The following FAAP100 variants were observed in gnomAD, a reference collection of about 807,000 sequenced individuals.
FAAP100 encodes the protein FA core complex associated protein 100, also known as Fanconi anemia core complex-associated protein 100.
FAAP100 carries 46 observed loss-of-function variants against 65.8 expected under a neutral mutation model. The ratio of observed to expected loss-of-function variants is 0.70; its 90% CI spans 0.55 to 0.89. The LOEUF (loss-of-function observed/expected upper bound fraction) is 0.89, where lower values mean the gene tolerates loss of function less well. Among genes scored for constraint, FAAP100 ranks in the 40% least tolerant of loss-of-function variants. The pLI is 0.00. For synonymous variants in FAAP100, 663 were observed against 555.1 expected (o/e 1.19, Z -2.73); for missense variants, 1,165 against 1,196.7 (o/e 0.97, Z 0.39).
Position 81,550,750 on chromosome 17 carries a change from G to T in FAAP100, c.744C>A (p.Gly248=), listed in dbSNP as rs764006543. The change falls in exon 3 of 9, where the codon GGC becomes GGA. Residue 248 remains glycine (G), a synonymous_variant. Transcript: ENST00000327787. Reference sequence around the variant, plus strand: ...CCTTCAGGATCACACAGCAGAGCTGGCCATCAGGGAGACCACAGAGGACCA... The same window carrying T: ...CCTTCAGGATCACACAGCAGAGCTGTCCATCAGGGAGACCACAGAGGACCA... ...SPVVLCGLPD[G]QLCCVILKAL... 6.2e-7 allele frequency: 1 copy of T among 1,612,340 alleles called. No individual in the cohort carries two copies. The highest frequency in any genetic ancestry group is 8.5e-7 in the Non-Finnish European group (1 of 1,179,582).
At chr17:81,543,700 G>T (rs183304950) in intron 7 of FAAP100, among the ~76,000 whole-genome samples, 1 of 152,132 alleles carries the variant, frequency 6.6e-6, no homozygotes, top group Non-Finnish European at 1.5e-5. Context: ...GGCTGACCTC[G>T]CAGGTCACAA....
At chr17:81,544,156 G>A in intron 6 of FAAP100, 36 bp from the exon 7 acceptor site, 1 of 1,537,596 alleles carries the variant, frequency 6.5e-7, no homozygotes, top group Non-Finnish European at 9.0e-7. Flanking sequence ...CCTGCCTGTG[G>A]CACTCCCACC....
rs77851887 is a variant in FAAP100, at chr17:81,541,444, C to A, written c.2428-49G>T. The A allele has an allele frequency of 0.01, 15,025 of 1,498,722 alleles. 1,067 individuals are homozygous for A. In the African/African-American group the frequency reaches 0.17, roughly 17 times the overall value. 92.8% of individuals were successfully genotyped at this position (1,498,722 alleles called of 1,614,324 possible). A position where few individuals can be genotyped will look rare whatever the true frequency, so the allele number is the denominator to read the frequency against. ...GGAGAGGGTGTGCCCCAGCACCTGCCCCCACACCCCTTGGAGCAGGGTGAC... is the reference window on the plus strand; with the variant it reads ...GGAGAGGGTGTGCCCCAGCACCTGCACCCACACCCCTTGGAGCAGGGTGAC... On this transcript the variant is annotated intron_variant, in intron 7 of 8. Transcript: ENST00000327787.
chr17:81,550,485 C>T lies in FAAP100; in HGVS notation c.1009G>A (p.Glu337Lys), dbSNP rs746234663. Residue 337 changes from glutamate to lysine, a missense_variant, in exon 3 of 9, where the codon GAG becomes AAG. Transcript: ENST00000327787. The part of the protein sequence containing the change: ...SWDESGKLVP[E>K]LREYCLPGPV... Reference sequence around the variant, plus strand: ...CCTGGGAGGCAGTACTCCCGCAGCTCGGGCACCAGCTTCCCGGACTCATCC... The same window carrying T: ...CCTGGGAGGCAGTACTCCCGCAGCTTGGGCACCAGCTTCCCGGACTCATCC... 3.3e-5 allele frequency: 53 copies of T among 1,612,510 alleles called. No homozygotes were observed. The highest frequency in any genetic ancestry group is 1.6e-4 in the Middle Eastern group (1 of 6,084).
chr17:81,551,725 CACTT>C, intron 2 of FAAP100, 199 bp downstream of exon 2: 1 of 1,342,766 alleles, frequency 7.4e-7, no homozygotes, highest in Non-Finnish European at 9.5e-7. Flanking sequence ...ATGTGAACCC[CACTT>C]ACTAAGGACT....
rs1037876196 is a variant in FAAP100, at chr17:81,546,984, A to G, written c.2098T>C (p.Tyr700His). 1.3e-6 allele frequency: 2 copies of G among 1,499,052 alleles called. No individual in the cohort carries two copies. The highest frequency in any genetic ancestry group is 5.0e-5 in the Admixed American group (2 of 40,372). The allele number at this position is 1,499,052 out of a possible 1,614,324, so 92.9% of individuals were successfully genotyped here. ...ATGGAAGCCACAGATGGGGGCAGGT[A>G]CTCGGCCCGCAGGGAGGCGGGTCCT... is the stretch of plus-strand genomic sequence containing the variant. ...PAGPASLRAEYLPPSVASIKV... is the reference protein window; with the variant it reads ...PAGPASLRAEHLPPSVASIKV... The change falls in exon 5 of 9, where the codon TAC (tyrosine) becomes CAC (histidine). Residue 700 changes from tyrosine (Y) to histidine (H), a missense_variant. Transcript: ENST00000327787.
At chr17:81,543,643 G>A (rs1291734265) in intron 7 of FAAP100, among the ~76,000 whole-genome samples, 1 of 152,154 alleles carries the variant, frequency 6.6e-6, no homozygotes, top group Non-Finnish European at 1.5e-5. Context: ...CCAGGCCACG[G>A]CCTCTCCAGG....
At chr17:81,552,959 A>T (rs570890127), upstream of FAAP100, 2 of 153,176 alleles carry the variant, frequency 1.3e-5, no homozygotes, top group African/African-American at 4.8e-5. Flanking sequence ...GAGTACACCA[A>T]TGGGGTTTCT....
At position 81,541,380 on chromosome 17, in the gene FAAP100, GCT is replaced by G; in HGVS notation, c.2441_2442del (p.Glu814AlafsTer10). ...VVGRMQTMVT[E>X]QATQGSSAPD... Reference sequence around the variant, plus strand: ...GGAGCGCTGGAGCCCTGGGTGGCCTGCTCTGTCACCATCGTCTGGGGGACACA... The same window carrying G: ...GGAGCGCTGGAGCCCTGGGTGGCCTGCTGTCACCATCGTCTGGGGGACACA... On this transcript the variant is annotated frameshift_variant, in exon 8 of 9. Coordinates refer to ENST00000327787, the MANE Select transcript of FAAP100 (RefSeq NM_025161.6). LOFTEE classifies it high-confidence loss of function. 1 of 1,609,560 alleles carries G rather than the reference GCT, an allele frequency of 6.2e-7. No homozygotes were observed. Among genetic ancestry groups the G allele is most frequent in the Admixed American group, 1.7e-5 (1 of 59,982 alleles).
intron 7 of FAAP100, among the ~76,000 whole-genome samples, chr17:81,543,060 G>A (rs2033176312): frequency 6.6e-6 from 1 of 152,066 alleles, no homozygotes; most frequent in African/African-American, 2.4e-5. Flanking sequence ...TCACAGTGCA[G>A]GGCACAGGGT....
chr17:81,550,547 C>G lies in FAAP100; in HGVS notation c.947G>C (p.Gly316Ala), dbSNP rs757431809. 7.4e-6 allele frequency: 12 copies of G among 1,612,762 alleles called. No individual in the cohort carries two copies. The highest frequency in any genetic ancestry group is 8.5e-6 in the Non-Finnish European group (10 of 1,180,032). ...GATGGCCAGCATCCGGCCGTGGTGA[C>G]CAAAGGCCACCAGGCAGTCACAGTG... The part of the protein sequence containing the change: ...DVHCDCLVAF[G>A]HHGRMLAIKA... The change falls in exon 3 of 9, where the codon GGT becomes GCT. Residue 316 changes from glycine to alanine, a missense_variant. By Grantham distance (60) the Gly-to-Ala change is moderately conservative (BLOSUM62 0). Transcript: ENST00000327787.
At chr17:81,546,556 T>C (rs937188743) in intron 5 of FAAP100, 11 of 251,802 alleles carry the variant, frequency 4.4e-5, no homozygotes, top group African/African-American at 8.9e-5. Flanking sequence ...AAGAAATACA[T>C]GGTGAGAGGG....
At chr17:81,542,213 ATATATATATATATATATAT>A (rs1272307862) in intron 7 of FAAP100, among the ~76,000 whole-genome samples, 3 of 29,562 alleles carry the variant, frequency 1.0e-4, no homozygotes, top group African/African-American at 4.5e-4. Context: ...ATATATATAT[ATATATATATATATATATAT>A]ATGAAATCAG....
chr17:81,553,037 G>C (rs1335932921), upstream of FAAP100: 2 of 154,088 alleles, frequency 1.3e-5, no homozygotes, highest in Non-Finnish European at 2.9e-5. Flanking sequence ...TCTCCCTCCT[G>C]GCAGCTCTCC....
intron 4 of FAAP100, among the ~76,000 whole-genome samples, chr17:81,548,656 T>C (rs2033392303): frequency 6.6e-6 from 1 of 151,284 alleles, no homozygotes; most frequent in South Asian, 2.1e-4. Flanking sequence ...GGAGAATCAC[T>C]TGAACCCAGG....
In FAAP100 at chr17:81,547,259, T is replaced by G. The variant is rs1347580525; in HGVS notation, c.1823A>C (p.Glu608Ala). Residue 608 changes from glutamate (E) to alanine (A), a missense_variant, in exon 5 of 9, where the codon GAG becomes GCG. Transcript: ENST00000327787. ...GGGGGCAAGGGCCCCGCCCACCACC[T>G]CCCTGAGACTGTAGAACAGCGTGCA... ...VSCTLFYSLR[E>A]VVGGALAPSD... is the part of the protein sequence containing the mutation. The G allele has an allele frequency of 6.3e-7, 1 of 1,597,842 alleles. No homozygotes were observed. The highest frequency in any genetic ancestry group is 8.6e-7 in the Non-Finnish European group (1 of 1,169,030).
intron 7 of FAAP100, among the ~76,000 whole-genome samples, chr17:81,542,595 A>G (rs1181010198): frequency 6.6e-6 from 1 of 152,094 alleles, no homozygotes; most frequent in Non-Finnish European, 1.5e-5. Flanking sequence ...GGGGGACACT[A>G]AGGTCTGCAG....
At chr17:81,551,825 C>T in intron 2 of FAAP100, 103 bp downstream of exon 2, 4 of 1,391,290 alleles carry the variant, frequency 2.9e-6, no homozygotes, top group Non-Finnish European at 3.7e-6. Context: ...TCAGAGCTGG[C>T]GGCAGCCCGG....
rs746232510 is a variant in FAAP100 at position 81,552,256 on chromosome 17, C to T, written c.75G>A (p.Lys25=). Residue 25 remains lysine, a synonymous_variant, in exon 1 of 9, where the codon AAG becomes AAA. Transcript: ENST00000327787. Reference sequence around the variant, plus strand: ...CTGCCTCATGGCACAGCACGCGGGGCTTGCCCGCCGCCAGGCCCCCGAGAG... The same window carrying T: ...CTGCCTCATGGCACAGCACGCGGGGTTTGCCCGCCGCCAGGCCCCCGAGAG... The part of the protein sequence containing the change: ...CCPLGGLAAG[K]PRVLCHEAEV... 1 of 1,481,544 alleles carries T rather than the reference C, an allele frequency of 6.7e-7. No individual in the cohort carries two copies. The highest frequency in any genetic ancestry group is 8.9e-7 in the Non-Finnish European group (1 of 1,123,256). 91.8% of individuals were successfully genotyped at this position (1,481,544 alleles called of 1,614,324 possible).
Sources: gnomAD v4.1 joint callset for allele counts (sites outside exome capture counted in the v4.1 genomes callset) on GRCh38, gnomAD v4.1.1 for gene constraint, MANE v1.5 for transcripts, NCBI Gene and HGNC (gene_info 2026-07-23, HGNC 2026-07-21) for gene names.